MSH4: variants seen among roughly 807,000 people sequenced by gnomAD.
MSH4 encodes mutS homolog 4.
In MSH4, 106 loss-of-function variants were observed where a neutral mutation model predicts 113.7. That is an observed-to-expected ratio of 0.93 (90% CI 0.80 to 1.10). The LOEUF is 1.10. Ranked by LOEUF, MSH4 falls within the 50% of genes least tolerant of loss-of-function variation. The probability of loss-of-function intolerance (pLI) is 0.00; values close to 1 mark genes in which losing one functional copy is unlikely to be tolerated. For missense variants in MSH4, 1,061 were observed against 1,093.7 expected (o/e 0.97, Z 0.42); for synonymous variants, 368 against 380.2 (o/e 0.97, Z 0.37).
intron 19 of MSH4, among the ~76,000 whole-genome samples, chr1:75,902,257 A>G (rs1652521465): frequency 1.3e-5 from 2 of 151,948 alleles, no homozygotes; most frequent in African/African-American, 4.8e-5. Context: ...TGCTTGTTAC[A>G]TAGGTATATT....
intron 19 of MSH4, among the ~76,000 whole-genome samples, chr1:75,906,912 C>A (rs770114188): frequency 2.6e-5 from 4 of 151,050 alleles, no homozygotes; most frequent in Non-Finnish European, 4.4e-5. Flanking sequence ...TGGCTCACTG[C>A]AAGCTCTGCC....
At chr1:75,840,474 A>T (rs1177444696) in intron 7 of MSH4, among the ~76,000 whole-genome samples, 2 of 139,696 alleles carry the variant, frequency 1.4e-5, no homozygotes, top group Non-Finnish European at 3.1e-5. Flanking sequence ...AACAATGAGA[A>T]CACATGGACA....
At chr1:75,867,456 C>A in intron 8 of MSH4, 58 bp from the exon 9 acceptor site, 1 of 915,552 alleles carries the variant, frequency 1.1e-6, no homozygotes, top group Non-Finnish European at 1.8e-6. Flanking sequence ...AGAGGAAAAC[C>A]CATTGTTCTA....
At chr1:75,909,630 TC>T (rs917710052) in intron 19 of MSH4, among the ~76,000 whole-genome samples, 4 of 152,038 alleles carry the variant, frequency 2.6e-5, no homozygotes, top group African/African-American at 9.7e-5. Context: ...CCTAATGCTA[TC>T]CCTCCCTTTG....
At chr1:75,803,710 C>T (rs1649992683) in intron 1 of MSH4, 21 bp from the exon 2 acceptor site, 2 of 1,493,238 alleles carry the variant, frequency 1.3e-6, no homozygotes, top group African/African-American at 2.8e-5. Context: ...TAAGAATTGA[C>T]TGTTAATTTT....
chr1:75,847,447 G>T (rs1402059156), intron 7 of MSH4, among the ~76,000 whole-genome samples: 3 of 152,116 alleles, frequency 2.0e-5, no homozygotes, highest in African/African-American at 4.8e-5. Context: ...GAAAAGTAGA[G>T]ATCAAAAAGA....
At chr1:75,804,971 G>A (rs1650025420) in intron 2 of MSH4, among the ~76,000 whole-genome samples, 1 of 151,298 alleles carries the variant, frequency 6.6e-6, no homozygotes, top group African/African-American at 2.4e-5. Flanking sequence ...GAGATTACAG[G>A]CATGCACCAC....
chr1:75,855,146 T>C (rs1425006330), intron 8 of MSH4, among the ~76,000 whole-genome samples: 1 of 152,106 alleles, frequency 6.6e-6, no homozygotes, highest in Non-Finnish European at 1.5e-5. Flanking sequence ...TGTGCAATCT[T>C]CCTACCTCAG....
chr1:75,889,871 G>T (rs572068428), intron 16 of MSH4, among the ~76,000 whole-genome samples: 1 of 152,132 alleles, frequency 6.6e-6, no homozygotes, highest in East Asian at 1.9e-4. Context: ...TGGGATATCT[G>T]TATTATGAAT....
intron 8 of MSH4, among the ~76,000 whole-genome samples, chr1:75,855,580 G>A (rs1053742541): frequency 1.3e-5 from 2 of 151,860 alleles, no homozygotes; most frequent in African/African-American, 2.4e-5. Context: ...GTGTTTCCTC[G>A]TCAAATGGTG....
intron 7 of MSH4, among the ~76,000 whole-genome samples, chr1:75,823,321 G>T (rs1440174344): frequency 6.6e-6 from 1 of 152,002 alleles, no homozygotes; most frequent in Admixed American, 6.6e-5. Flanking sequence ...CAGATACCCG[G>T]AGTTAAGACT....
chr1:75,857,494 T>C (rs1318769567), intron 8 of MSH4, among the ~76,000 whole-genome samples: 1 of 152,150 alleles, frequency 6.6e-6, no homozygotes, highest in East Asian at 1.9e-4. Context: ...CTAGTTTCAG[T>C]TTTCTGCATA....
intron 14 of MSH4, among the ~76,000 whole-genome samples, chr1:75,881,917 A>T (rs1377842565): frequency 6.6e-6 from 1 of 152,058 alleles, no homozygotes; most frequent in African/African-American, 2.4e-5. Context: ...TATCTAACTT[A>T]CCAGTAATAA....
chr1:75,826,564 T>C (rs921168208), intron 7 of MSH4, among the ~76,000 whole-genome samples: 3 of 152,216 alleles, frequency 2.0e-5, no homozygotes. Context: ...GGGTGTCGAT[T>C]TGAGATCTTT....
intron 9 of MSH4, among the ~76,000 whole-genome samples, chr1:75,870,279 A>G (rs1651683223): frequency 6.6e-6 from 1 of 152,110 alleles, no homozygotes; most frequent in Non-Finnish European, 1.5e-5. Flanking sequence ...TTCCAGTTTT[A>G]TAGGCTCATA....
chr1:75,836,874 G>A (rs1483311651), intron 7 of MSH4, among the ~76,000 whole-genome samples: 2 of 151,972 alleles, frequency 1.3e-5, no homozygotes, highest in African/African-American at 2.4e-5. Context: ...TTTCCTTATT[G>A]TATGACTTAC....
chr1:75,857,837 A>G (rs1417551939), intron 8 of MSH4, among the ~76,000 whole-genome samples: 1 of 152,098 alleles, frequency 6.6e-6, no homozygotes, highest in Non-Finnish European at 1.5e-5. Context: ...ATGGCCTTGA[A>G]TCTATAAATT....
At chr1:75,816,287 G>A in intron 5 of MSH4, 86 bp from the exon 6 acceptor site, 1 of 929,826 alleles carries the variant, frequency 1.1e-6, no homozygotes, top group Non-Finnish European at 1.5e-6. Context: ...GCAATGCTAT[G>A]CAAATATTTA....
chr1:75,862,291 C>T (rs910778492), intron 8 of MSH4, among the ~76,000 whole-genome samples: 4 of 152,138 alleles, frequency 2.6e-5, no homozygotes, highest in African/African-American at 9.7e-5. Context: ...TGGGCTGTAC[C>T]CACTGTCCAA....
Sources: allele counts gnomAD v4.1 joint callset (sites outside exome capture counted in the v4.1 genomes callset), GRCh38; gene constraint gnomAD v4.1.1; transcripts MANE v1.5; gene names NCBI Gene and HGNC (gene_info 2026-07-23, HGNC 2026-07-21).